PTPRD: variants seen among roughly 807,000 people sequenced by gnomAD.
PTPRD encodes the protein protein tyrosine phosphatase receptor type D, also known as receptor-type tyrosine-protein phosphatase delta.
PTPRD carries 34 observed loss-of-function variants against 214.5 expected under a neutral mutation model. That is an observed-to-expected ratio of 0.16 (90% confidence interval 0.12 to 0.21). The LOEUF (loss-of-function observed/expected upper bound fraction) is 0.21. Ranked by LOEUF, PTPRD falls within the 10% of genes least tolerant of loss-of-function variation. The pLI is 1.00. For missense variants in PTPRD, 2,545 were observed against 2,398.7 expected (o/e 1.06, Z -1.27); for synonymous variants, 1,128 against 845.7 (o/e 1.33, Z -5.79).
intron 3 of PTPRD, among the ~76,000 whole-genome samples, chr9:10,253,815 G>A (rs976838534): frequency 6.6e-6 from 1 of 152,186 alleles, no homozygotes; most frequent in African/African-American, 2.4e-5. Flanking sequence ...GGAATGAAAT[G>A]CTTTTATTCA....
chr9:9,499,526 T>A (rs945610105), intron 8 of PTPRD, among the ~76,000 whole-genome samples: 8 of 152,138 alleles, frequency 5.3e-5, no homozygotes, highest in African/African-American at 1.7e-4. Flanking sequence ...AACTCATTTA[T>A]CTTCAAACAT....
intron 10 of PTPRD, among the ~76,000 whole-genome samples, chr9:9,115,943 C>T (rs1398340622): frequency 6.6e-6 from 1 of 151,932 alleles, no homozygotes; most frequent in Non-Finnish European, 1.5e-5. Flanking sequence ...GCTGGAGGCC[C>T]TTATCCTAAG....
chr9:9,980,743 T>C (rs1237336424), intron 4 of PTPRD, among the ~76,000 whole-genome samples: 2 of 124,822 alleles, frequency 1.6e-5, no homozygotes, highest in African/African-American at 3.0e-5. Flanking sequence ...TTACAGAACA[T>C]ACAAAGAATT....
At chr9:10,509,503 A>ATCTATCTATCTATCT (rs397942022) in intron 2 of PTPRD, among the ~76,000 whole-genome samples, 1 of 142,566 alleles carries the variant, frequency 7.0e-6, no homozygotes, top group African/African-American at 2.6e-5. Context: ...CTATCTATCT[A>ATCTATCTATCTATCT]ATGATCATTA....
At chr9:9,810,652 A>T (rs1054373200) in intron 5 of PTPRD, among the ~76,000 whole-genome samples, 2 of 152,092 alleles carry the variant, frequency 1.3e-5, no homozygotes, top group African/African-American at 4.8e-5. Flanking sequence ...TTGCTCATTG[A>T]CAATGCACAT....
At chr9:10,328,306 A>T (rs2096682716) in intron 3 of PTPRD, among the ~76,000 whole-genome samples, 1 of 151,632 alleles carries the variant, frequency 6.6e-6, no homozygotes, top group Non-Finnish European at 1.5e-5. Flanking sequence ...ATTTTTCATG[A>T]TCATGTGTAT....
intron 45 of PTPRD, among the ~76,000 whole-genome samples, chr9:8,318,851 G>A (rs7867924): frequency 0.43 from 65,765 of 151,930 alleles, 18,552 homozygotes; most frequent in African/African-American, 0.8. Flanking sequence ...TAGGGATGAG[G>A]AAAAGGATTT....
intron 3 of PTPRD, among the ~76,000 whole-genome samples, chr9:10,211,236 T>C (rs190573941): frequency 1.6e-3 from 246 of 152,146 alleles, no homozygotes; most frequent in Non-Finnish European, 1.6e-3. Flanking sequence ...ATAAAAGCCA[T>C]TGATTTAAGT....
In PTPRD at chr9:9,988,965, T is replaced by C. The variant is rs1231937406; in HGVS notation, c.-472+44753A>G. On this transcript the variant is annotated intron_variant, in intron 4 of 45. Transcript: ENST00000381196. ...ACCAATGACTGTACAACATATGTAC[T>C]GTCAATGTCTCTCTCTCCCAAACAT... is the stretch of plus-strand genomic sequence containing the variant. Among the ~76,000 whole-genome samples the C allele has an allele frequency of 2.9e-5, 4 of 139,054 alleles. No individual in the cohort carries two copies. In the East Asian group the frequency reaches 8.4e-4, roughly 29 times the overall value. 91.2% of individuals were successfully genotyped at this position (139,054 alleles called of 152,430 possible). A position where few individuals can be genotyped will look rare whatever the true frequency, so the allele number is the denominator to read the frequency against.
chr9:9,215,388 G>A (rs180967233), intron 9 of PTPRD, among the ~76,000 whole-genome samples: 52 of 152,196 alleles, frequency 3.4e-4, no homozygotes, highest in Non-Finnish European at 5.3e-4. Context: ...GAGTTCTGGA[G>A]AGAAAATAAA....
chr9:10,196,396 G>A (rs1044586421), intron 3 of PTPRD, among the ~76,000 whole-genome samples: 1 of 152,098 alleles, frequency 6.6e-6, no homozygotes, highest in Non-Finnish European at 1.5e-5. Context: ...CAAATTAAGT[G>A]CCAGAAGTAT....
intron 4 of PTPRD, among the ~76,000 whole-genome samples, chr9:9,976,332 T>C (rs569289167): frequency 6.6e-6 from 1 of 152,152 alleles, no homozygotes; most frequent in East Asian, 1.9e-4. Flanking sequence ...AAACAAAAAA[T>C]ATACTTTGTC....
At chr9:9,147,514 A>G (rs2099870700) in intron 10 of PTPRD, among the ~76,000 whole-genome samples, 1 of 152,106 alleles carries the variant, frequency 6.6e-6, no homozygotes, top group Admixed American at 6.5e-5. Flanking sequence ...TGTTTTTTAC[A>G]TTTAAAAAGT....
At chr9:9,088,649 T>C (rs529621824) in intron 10 of PTPRD, among the ~76,000 whole-genome samples, 10 of 136,428 alleles carry the variant, frequency 7.3e-5, no homozygotes, top group Non-Finnish European at 1.6e-4. Flanking sequence ...AGGACCTTCA[T>C]ACTTTACAAA....
chr9:9,818,906 A>G (rs2049715532), intron 5 of PTPRD, among the ~76,000 whole-genome samples: 1 of 127,804 alleles, frequency 7.8e-6, no homozygotes, highest in Non-Finnish European at 1.6e-5. Context: ...ACAGAGCAAG[A>G]CACTGTCTCA....
At chr9:8,361,906 C>G (rs1478588014) in intron 39 of PTPRD, among the ~76,000 whole-genome samples, 1 of 152,204 alleles carries the variant, frequency 6.6e-6, no homozygotes, top group Non-Finnish European at 1.5e-5. Context: ...CGTGTTCAGA[C>G]CCACTCACCT....
At chr9:9,743,841 T>TATA (rs989186405) in intron 6 of PTPRD, among the ~76,000 whole-genome samples, 1 of 151,990 alleles carries the variant, frequency 6.6e-6, no homozygotes, top group African/African-American at 2.4e-5. Context: ...TTTGACTCTC[T>TATA]ATAAGGTCTT....
rs71270610 is a variant in PTPRD at position 10,363,991 on chromosome 9, G to GTTTTTTTTTTTTTTTT, written c.-599-22990_-599-22975dup. On this transcript the variant is annotated intron_variant, in intron 2 of 45. Transcript: ENST00000381196. ...ATTATTATTGCCTCCACATTTTCGG[G>GTTTTTTTTTTTTTTTT]TTTTTTTTTTTTTTTTTTTTTTTTT... Among the ~76,000 whole-genome samples the GTTTTTTTTTTTTTTTT allele has an allele frequency of 7.7e-4, 27 of 35,124 alleles. 6 individuals carry two copies. Among genetic ancestry groups the GTTTTTTTTTTTTTTTT allele is most frequent in the South Asian group, 2.2e-3 (2 of 902 alleles). 23.0% of individuals were successfully genotyped at this position (35,124 alleles called of 152,430 possible). A position where few individuals can be genotyped will look rare whatever the true frequency, so the allele number is the denominator to read the frequency against.
intron 3 of PTPRD, among the ~76,000 whole-genome samples, chr9:10,169,640 G>A (rs1387480414): frequency 2.6e-5 from 4 of 152,052 alleles, no homozygotes; most frequent in African/African-American, 9.7e-5. Flanking sequence ...AGAATCCAAA[G>A]GAAATTCTAA....
Sources: allele counts gnomAD v4.1 joint callset (sites outside exome capture counted in the v4.1 genomes callset), GRCh38; gene constraint gnomAD v4.1.1; transcripts MANE v1.5; gene names NCBI Gene and HGNC (gene_info 2026-07-23, HGNC 2026-07-21).